MYBPC1: variants seen among roughly 807,000 people sequenced by gnomAD.
MYBPC1 encodes the protein myosin-binding protein C, slow-type.
MYBPC1 carries 52 observed loss-of-function variants against 147.1 expected under a neutral mutation model. The ratio of observed to expected loss-of-function variants is 0.35; its 90% CI spans 0.28 to 0.45. The LOEUF is 0.45. MYBPC1 is among the 20% of genes least tolerant of loss of function. The pLI is 1.00. For missense variants in MYBPC1, 1,228 were observed against 1,440.3 expected (o/e 0.85, Z 2.39); for synonymous variants, 477 against 475.9 (o/e 1.00, Z -0.03).
rs563491056 is a variant in MYBPC1, at chr12:101,614,360, T to C, written c.26-136T>C. ...AGAGAGAGAGAGAAGAGAGAATGTG[T>C]TTCCCTCCTCCATCCCTCTTGTGAG... On this transcript the variant is annotated intron_variant, in intron 1 of 31. Transcript: ENST00000361466. 30 of 849,240 alleles carry C rather than the reference T, an allele frequency of 3.5e-5. No individual in the cohort carries two copies. In the African/African-American group the frequency reaches 5.0e-4, roughly 14 times the overall value. 52.6% of individuals were successfully genotyped at this position (849,240 alleles called of 1,614,324 possible).
At chr12:101,618,655 G>A (rs115287812) in intron 3 of MYBPC1, among the ~76,000 whole-genome samples, 461 of 152,232 alleles carry the variant, frequency 3.0e-3, no homozygotes, top group African/African-American at 0.011. Context: ...TATTATACTT[G>A]TATGCTTAAA....
At chr12:101,614,320 G>A (rs887634921) in intron 1 of MYBPC1, among the ~76,000 whole-genome samples, 176 bp from the exon 2 acceptor site, 3 of 150,180 alleles carry the variant, frequency 2.0e-5, no homozygotes, top group Non-Finnish European at 4.4e-5. Context: ...GTGTGTGTGT[G>A]TGTGTGAGAG....
chr12:101,685,542 A>G (rs775843386), intron 31 of MYBPC1, 40 bp from the exon 32 acceptor site: 2 of 1,370,006 alleles, frequency 1.5e-6, no homozygotes, highest in South Asian at 1.2e-5. Flanking sequence ...TTTCAGGTAG[A>G]TGGTTTTGAT....
rs75693807 is a variant in MYBPC1, at chr12:101,642,969, A to G, written c.832+384A>G. 2.0e-5 allele frequency among the ~76,000 whole-genome samples: 3 copies of G among 152,320 alleles called. No individual in the cohort carries two copies. In the East Asian group the frequency reaches 5.8e-4, roughly 29 times the overall value. Reference sequence around the variant, plus strand: ...GTGGAGAGTTCACTTTCTCACACCCAATATGGTTAGCAAAATGTTTTGTAA... The same window carrying G: ...GTGGAGAGTTCACTTTCTCACACCCGATATGGTTAGCAAAATGTTTTGTAA... On this transcript the variant is annotated intron_variant, in intron 11 of 31. Transcript: ENST00000361466.
At chr12:101,624,182 C>A (rs1362507586) in intron 3 of MYBPC1, among the ~76,000 whole-genome samples, 1 of 151,578 alleles carries the variant, frequency 6.6e-6, no homozygotes, top group South Asian at 2.1e-4. Context: ...ATCTCAAATC[C>A]CACATGACCC....
chr12:101,665,559 T>C (rs1257469820), intron 22 of MYBPC1, among the ~76,000 whole-genome samples: 3 of 152,208 alleles, frequency 2.0e-5, no homozygotes, highest in Non-Finnish European at 2.9e-5. Flanking sequence ...TAGTTTTTTC[T>C]TTCCTTTCTT....
chr12:101,598,441 T>C (rs1878375444), intron 1 of MYBPC1, among the ~76,000 whole-genome samples: 2 of 152,242 alleles, frequency 1.3e-5, no homozygotes, highest in South Asian at 4.1e-4. Context: ...TAAAGAATAG[T>C]ATGAATGGCT....
chr12:101,640,054 A>T (rs924521097), intron 10 of MYBPC1, among the ~76,000 whole-genome samples: 3 of 152,106 alleles, frequency 2.0e-5, no homozygotes, highest in Non-Finnish European at 2.9e-5. Context: ...TCACTTTGTC[A>T]CCCAGGCTGG....
intron 18 of MYBPC1, among the ~76,000 whole-genome samples, chr12:101,656,064 ATT>A (rs1895489166): frequency 6.6e-6 from 1 of 152,144 alleles, no homozygotes; most frequent in Non-Finnish European, 1.5e-5. Flanking sequence ...GGGACATTTC[ATT>A]ATTTTAAAGT....
intron 22 of MYBPC1, among the ~76,000 whole-genome samples, chr12:101,667,082 G>T (rs935013107): frequency 6.6e-6 from 1 of 152,080 alleles, no homozygotes; most frequent in East Asian, 1.9e-4. Context: ...AAATTCTCTC[G>T]ATGTGATACA....
At chr12:101,680,616 A>G in intron 29 of MYBPC1, 87 bp downstream of exon 29, 1 of 1,536,534 alleles carries the variant, frequency 6.5e-7, no homozygotes, top group Non-Finnish European at 8.9e-7. Flanking sequence ...CTTAATCCAA[A>G]TTGCTTGCCA....
intron 24 of MYBPC1, 78 bp from the exon 25 acceptor site, chr12:101,673,349 T>C (rs1899127929): frequency 4.7e-6 from 7 of 1,487,008 alleles, no homozygotes; most frequent in Admixed American, 1.7e-5. Context: ...GTTAAGCCAC[T>C]GTCCTTCTCA....
intron 24 of MYBPC1, among the ~76,000 whole-genome samples, chr12:101,671,338 CT>C (rs1898665655): frequency 1.0e-5 from 1 of 96,362 alleles, no homozygotes; most frequent in South Asian, 3.5e-4. Flanking sequence ...CACACACACA[CT>C]CACACACACA....
At chr12:101,677,167 A>G in intron 26 of MYBPC1, 68 bp from the exon 27 acceptor site, 2 of 1,505,946 alleles carry the variant, frequency 1.3e-6, no homozygotes, top group South Asian at 2.3e-5. Flanking sequence ...ATTTATCCCA[A>G]TCTACAGTTA....
chr12:101,646,976 C>T, intron 13 of MYBPC1, 89 bp downstream of exon 13: 2 of 1,512,368 alleles, frequency 1.3e-6, no homozygotes, highest in Middle Eastern at 1.7e-4. Flanking sequence ...ACTGAGGCTC[C>T]TCTACACTGG....
intron 20 of MYBPC1, among the ~76,000 whole-genome samples, chr12:101,661,804 G>A (rs1766083792): frequency 1.3e-5 from 2 of 151,270 alleles, no homozygotes; most frequent in African/African-American, 4.9e-5. Flanking sequence ...GCTGAGGTGG[G>A]AGGATCACTT....
intron 2 of MYBPC1, among the ~76,000 whole-genome samples, chr12:101,615,648 T>A: frequency 2.2e-5 from 3 of 135,870 alleles, no homozygotes; most frequent in African/African-American, 5.7e-5. Flanking sequence ...TAGGCAATAT[T>A]ATAAGAACCC....
chr12:101,620,550 G>A (rs778736350), intron 3 of MYBPC1, among the ~76,000 whole-genome samples: 40 of 152,186 alleles, frequency 2.6e-4, no homozygotes, highest in African/African-American at 9.4e-4. Flanking sequence ...AGGGCCATGT[G>A]TAGGGAATAA....
At chr12:101,685,053 T>C (rs1466818235) in intron 31 of MYBPC1, among the ~76,000 whole-genome samples, 2 of 152,158 alleles carry the variant, frequency 1.3e-5, no homozygotes, top group African/African-American at 4.8e-5. Context: ...TTATTATAAT[T>C]TTAACAAAAT....
Sources: gnomAD v4.1 joint callset for allele counts (sites outside exome capture counted in the v4.1 genomes callset) on GRCh38, gnomAD v4.1.1 for gene constraint, MANE v1.5 for transcripts, NCBI Gene and HGNC (gene_info 2026-07-23, HGNC 2026-07-21) for gene names.